Variants in TRAF3IP1 observed in about 807,000 individuals in gnomAD.
TRAF3IP1 encodes intraflagellar transport 54.
TRAF3IP1 carries 53 observed loss-of-function variants against 89.9 expected under a neutral mutation model. The ratio of observed to expected loss-of-function variants is 0.59; its 90% CI spans 0.47 to 0.74. The LOEUF (loss-of-function observed/expected upper bound fraction) is 0.74, where lower values mean the gene tolerates loss of function less well. Ranked by LOEUF, TRAF3IP1 falls within the 30% of genes least tolerant of loss-of-function variation. The pLI, the probability that TRAF3IP1 is intolerant of heterozygous loss-of-function variation, is 0.00. For synonymous variants in TRAF3IP1, 311 were observed against 322.1 expected (o/e 0.97, Z 0.37); for missense variants, 806 against 866.1 (o/e 0.93, Z 0.87).
At chr2:238,336,660 A>G (rs1461902404) in intron 7 of TRAF3IP1, among the ~76,000 whole-genome samples, 1 of 152,330 alleles carries the variant, frequency 6.6e-6, no homozygotes, top group Admixed American at 6.5e-5. Context: ...TGACTTAATG[A>G]GTACATTTTA....
intron 15 of TRAF3IP1, among the ~76,000 whole-genome samples, chr2:238,384,714 A>G (rs1700693973): frequency 6.6e-6 from 1 of 151,992 alleles, no homozygotes. Flanking sequence ...ACAGAATCCT[A>G]AAACTCTATG....
rs17854985 is a variant in TRAF3IP1 at position 238,329,333 on chromosome 2, T to C, written c.906T>C (p.Pro302=). The C allele has an allele frequency of 0.059, 79,898 of 1,357,820 alleles. 4,433 individuals are homozygous for C. The highest frequency in any genetic ancestry group is 0.27 in the African/African-American group (18,400 of 67,412). 84.1% of individuals were successfully genotyped at this position (1,357,820 alleles called of 1,614,324 possible). ...DREKNREHDK[P]EKKSASSGEM... is the part of the protein sequence containing the mutation. The stretch of plus-strand genomic sequence containing the variant: ...AGAAGAACAGAGAGCATGACAAACC[T>C]GAGAAAAAGGTAAAGTCTTGCTGAG... The change falls in exon 5 of 17, where the codon CCT becomes CCC. Residue 302 remains proline, a synonymous_variant. Transcript: ENST00000373327.
chr2:238,330,152 C>T (rs549947633), intron 5 of TRAF3IP1, among the ~76,000 whole-genome samples: 41 of 152,180 alleles, frequency 2.7e-4, no homozygotes, highest in Non-Finnish European at 4.6e-4. Context: ...TATGCGCAGT[C>T]TGAGTTGTGC....
intron 14 of TRAF3IP1, among the ~76,000 whole-genome samples, chr2:238,353,651 C>T (rs1699276641): frequency 6.6e-6 from 1 of 152,166 alleles, no homozygotes; most frequent in African/African-American, 2.4e-5. Context: ...AAGAGGCAGG[C>T]TGAGTACTTT....
At position 238,384,423 on chromosome 2, in the gene TRAF3IP1, G is replaced by T. The variant is rs549483797; in HGVS notation, c.1690-13036G>T. Reference sequence around the variant, plus strand: ...AGTCTTGCTCTGTTGGCCAGGCTGGGGTGCAGTGGTGTGATCTTGGCTTAC... The same window carrying T: ...AGTCTTGCTCTGTTGGCCAGGCTGGTGTGCAGTGGTGTGATCTTGGCTTAC... On this transcript the variant is annotated intron_variant, in intron 15 of 16. Transcript: ENST00000373327. Among the ~76,000 whole-genome samples, 4 of 151,492 alleles carry T rather than the reference G, an allele frequency of 2.6e-5. No individual in the cohort carries two copies. In the East Asian group the frequency reaches 7.8e-4, roughly 29 times the overall value.
intron 15 of TRAF3IP1, among the ~76,000 whole-genome samples, chr2:238,371,182 CCTT>C (rs1254773442): frequency 5.9e-5 from 9 of 152,166 alleles, no homozygotes; most frequent in African/African-American, 2.2e-4. Flanking sequence ...TGAAGCTTGA[CCTT>C]CTATGAGTCT....
intron 10 of TRAF3IP1, 64 bp downstream of exon 10, chr2:238,347,539 G>A: frequency 6.5e-7 from 1 of 1,531,344 alleles, no homozygotes; most frequent in Non-Finnish European, 9.0e-7. Flanking sequence ...GAATGTGAAT[G>A]TGGACTCTCA....
chr2:238,356,108 G>T (rs931584345), intron 15 of TRAF3IP1, 28 bp downstream of exon 15: 6 of 1,536,092 alleles, frequency 3.9e-6, no homozygotes, highest in Non-Finnish European at 5.4e-6. Context: ...ATAAACACTG[G>T]CATTTTAGCA....
chr2:238,390,325 GA>G (rs749368668), intron 15 of TRAF3IP1, among the ~76,000 whole-genome samples: 8 of 152,188 alleles, frequency 5.3e-5, no homozygotes, highest in Non-Finnish European at 1.2e-4. Context: ...TTTCAGCGGA[GA>G]AAAGAGCTTT....
At chr2:238,378,612 TGAGA>T (rs142416383) in intron 15 of TRAF3IP1, among the ~76,000 whole-genome samples, 2 of 149,844 alleles carry the variant, frequency 1.3e-5, no homozygotes, top group Admixed American at 6.7e-5. Flanking sequence ...GCCTGGAGTT[TGAGA>T]GAGAGAGAGA....
rs185441643 is a variant in TRAF3IP1 at position 238,344,027 on chromosome 2, G to T, written c.1160-470G>T. Among the ~76,000 whole-genome samples the T allele has an allele frequency of 8.5e-5, 13 of 152,102 alleles. No individual in the cohort carries two copies. In the East Asian group the frequency reaches 1.7e-3, roughly 20 times the overall value. On this transcript the variant is annotated intron_variant, in intron 8 of 16. Coordinates refer to ENST00000373327, the MANE Select transcript of TRAF3IP1 (RefSeq NM_015650.4). ...ATTTTTTCTATCTTCATAAACTTTG[G>T]AACATCAGTCAGTAATTAGTAGACA... is the stretch of plus-strand genomic sequence containing the variant.
chr2:238,339,689 C>T (rs1024875151), intron 8 of TRAF3IP1, among the ~76,000 whole-genome samples: 5 of 152,244 alleles, frequency 3.3e-5, no homozygotes, highest in African/African-American at 9.6e-5. Flanking sequence ...CGTAAAGATA[C>T]CTGCCTTGAG....
intron 15 of TRAF3IP1, among the ~76,000 whole-genome samples, chr2:238,378,801 C>T (rs191268040): frequency 7.9e-5 from 12 of 152,312 alleles, no homozygotes; most frequent in African/African-American, 2.6e-4. Flanking sequence ...CGGGACCCCC[C>T]CCCAGGCCCC....
In TRAF3IP1 at chr2:238,356,245, C is replaced by G. The variant is rs572082078; in HGVS notation, c.1689+165C>G. 1.1e-3 allele frequency among the ~76,000 whole-genome samples: 170 copies of G among 152,302 alleles called. 2 individuals carry two copies. The highest frequency in any genetic ancestry group is 6.8e-3 in the Middle Eastern group (2 of 294). On this transcript the variant is annotated intron_variant, in intron 15 of 16. Coordinates refer to ENST00000373327, the MANE Select transcript of TRAF3IP1 (RefSeq NM_015650.4). ...GGCATGGTGGCTCACGCCTGCAATC[C>G]CAGCACCTTGGGAGGCCAGCGCAGA... is the stretch of plus-strand genomic sequence containing the variant.
At chr2:238,392,355 A>G (rs1419309833) in intron 15 of TRAF3IP1, among the ~76,000 whole-genome samples, 1 of 152,104 alleles carries the variant, frequency 6.6e-6, no homozygotes, top group Non-Finnish European at 1.5e-5. Flanking sequence ...CACCTCAAAG[A>G]TCCCTCTTGT....
At chr2:238,361,576 C>T (rs931136557) in intron 15 of TRAF3IP1, among the ~76,000 whole-genome samples, 6 of 152,048 alleles carry the variant, frequency 3.9e-5, no homozygotes, top group African/African-American at 1.4e-4. Context: ...CTTCCTTACC[C>T]CGCCTTTGTA....
intron 15 of TRAF3IP1, among the ~76,000 whole-genome samples, chr2:238,386,782 T>G (rs1283848490): frequency 6.6e-6 from 1 of 152,194 alleles, no homozygotes; most frequent in East Asian, 1.9e-4. Context: ...GTTCTGATCT[T>G]TTGCCTTGAC....
intron 8 of TRAF3IP1, 101 bp from the exon 9 acceptor site, chr2:238,344,396 A>G: frequency 1.1e-6 from 1 of 923,440 alleles, no homozygotes; most frequent in Non-Finnish European, 1.7e-6. Flanking sequence ...GCAGTGTGGG[A>G]AAACATAGAT....
At chr2:238,356,831 A>G (rs1339598515) in intron 15 of TRAF3IP1, among the ~76,000 whole-genome samples, 1 of 145,402 alleles carries the variant, frequency 6.9e-6, no homozygotes, top group African/African-American at 2.6e-5. Context: ...CAGGCTGGAG[A>G]GCAGTGGCAT....
Sources: gnomAD v4.1 joint callset for allele counts (sites outside exome capture counted in the v4.1 genomes callset) on GRCh38, gnomAD v4.1.1 for gene constraint, MANE v1.5 for transcripts, NCBI Gene and HGNC (gene_info 2026-07-23, HGNC 2026-07-21) for gene names.